LRFN2: variants seen among roughly 807,000 people sequenced by gnomAD.
The protein encoded by LRFN2 is leucine rich repeat and fibronectin type III domain containing 2.
LRFN2 carries 18 observed loss-of-function variants against 37.3 expected under a neutral mutation model. The observed-to-expected ratio is 0.48, with a 90% CI of 0.33 to 0.72. The LOEUF (loss-of-function observed/expected upper bound fraction) is 0.72, where lower values mean the gene tolerates loss of function less well. LRFN2 is among the 30% of genes least tolerant of loss of function. LRFN2 has a pLI of 0.02. For missense variants in LRFN2, 1,006 were observed against 1,060.7 expected, an observed-to-expected ratio of 0.95 and a Z score of 0.72; for synonymous variants, 556 against 466.6, an observed-to-expected ratio of 1.19 and a Z score of -2.47.
chr6:40,543,611 G>A (rs1343794918), intron 1 of LRFN2, among the ~76,000 whole-genome samples: 4 of 152,124 alleles, frequency 2.6e-5, no homozygotes, highest in African/African-American at 4.8e-5. Context: ...TTTTCAGCTC[G>A]AAGCCTAGCT....
At chr6:40,559,957 G>T (rs1027753628) in intron 1 of LRFN2, among the ~76,000 whole-genome samples, 1 of 152,114 alleles carries the variant, frequency 6.6e-6, no homozygotes, top group South Asian at 2.1e-4. Flanking sequence ...CCCTCCCCAT[G>T]CCAAGGCGAG....
intron 1 of LRFN2, among the ~76,000 whole-genome samples, chr6:40,470,811 G>T (rs1386011091): frequency 2.0e-5 from 3 of 152,196 alleles, no homozygotes; most frequent in African/African-American, 7.2e-5. Flanking sequence ...CACCTGCTGG[G>T]CCTGGACCCA....
intron 2 of LRFN2, 83 bp downstream of exon 2, chr6:40,431,631 G>T: frequency 8.0e-7 from 1 of 1,243,540 alleles, no homozygotes; most frequent in East Asian, 2.4e-5. Flanking sequence ...GGGTATAGGT[G>T]GGAGCAGCCC....
chr6:40,505,546 A>G lies in LRFN2; in HGVS notation c.-18-72415T>C, dbSNP rs564955693. On this transcript the variant is annotated intron_variant, in intron 1 of 2. Transcript: ENST00000338305. The stretch of plus-strand genomic sequence containing the variant: ...TTATTTCCTTTTTGAAAATTAAAAC[A>G]TGAAATTGGGAAGTTGCCACACAAA... Among the ~76,000 whole-genome samples the G allele has an allele frequency of 1.4e-3, 208 of 152,336 alleles. 1 individual carries two copies. The highest frequency in any genetic ancestry group is 2.5e-3 in the Non-Finnish European group (171 of 68,038).
chr6:40,568,016 G>A (rs542197319), intron 1 of LRFN2, among the ~76,000 whole-genome samples: 1 of 152,190 alleles, frequency 6.6e-6, no homozygotes, highest in Admixed American at 6.5e-5. Flanking sequence ...CCCCCAAAAC[G>A]TACAAACAAA....
At chr6:40,509,172 C>T (rs1034028755) in intron 1 of LRFN2, among the ~76,000 whole-genome samples, 2 of 152,244 alleles carry the variant, frequency 1.3e-5, no homozygotes, top group Non-Finnish European at 2.9e-5. Context: ...AAGGATGACA[C>T]ACTCCACATA....
Position 40,435,625 on chromosome 6 carries a change from G to C in LRFN2, c.-18-2494C>G, listed in dbSNP as rs191988964. Among the ~76,000 whole-genome samples, 1,122 of 152,028 alleles carry C rather than the reference G, an allele frequency of 7.4e-3. 6 individuals are homozygous for C. The highest frequency in any genetic ancestry group is 0.02 in the Admixed American group (308 of 15,270). ...ATGATCTCAGCTCACTGCAACCTCTGCCTCCCAGGTTCACGCCATTCTCCT... is the reference window on the plus strand; with the variant it reads ...ATGATCTCAGCTCACTGCAACCTCTCCCTCCCAGGTTCACGCCATTCTCCT... On this transcript the variant is annotated intron_variant, in intron 1 of 2. Coordinates refer to ENST00000338305, the MANE Select transcript of LRFN2 (RefSeq NM_020737.3).
intron 2 of LRFN2, among the ~76,000 whole-genome samples, chr6:40,419,114 C>T (rs779086207): frequency 1.3e-5 from 2 of 152,194 alleles, no homozygotes; most frequent in African/African-American, 4.8e-5. Flanking sequence ...GGTTTGAGAA[C>T]CACTGCCCTC....
chr6:40,418,739 T>A (rs895557671), intron 2 of LRFN2, among the ~76,000 whole-genome samples: 1 of 152,144 alleles, frequency 6.6e-6, no homozygotes, highest in South Asian at 2.1e-4. Context: ...AGAGTCCTCA[T>A]CTGTCAAGTG....
At chr6:40,437,612 A>G (rs1209811147) in intron 1 of LRFN2, among the ~76,000 whole-genome samples, 5 of 152,228 alleles carry the variant, frequency 3.3e-5, no homozygotes, top group Admixed American at 3.3e-4. Context: ...AGAAGTGACT[A>G]TTGAATCTTA....
At chr6:40,586,194 C>T (rs912032100) in intron 1 of LRFN2, among the ~76,000 whole-genome samples, 4 of 152,200 alleles carry the variant, frequency 2.6e-5, no homozygotes, top group African/African-American at 9.6e-5. Context: ...CACTGTCCAC[C>T]TCGGAACGGT....
At chr6:40,515,101 G>C (rs1765825134) in intron 1 of LRFN2, among the ~76,000 whole-genome samples, 1 of 152,198 alleles carries the variant, frequency 6.6e-6, no homozygotes, top group South Asian at 2.1e-4. Flanking sequence ...GCATGCTTTA[G>C]TGAGTTTATT....
intron 1 of LRFN2, among the ~76,000 whole-genome samples, chr6:40,468,835 A>T (rs1384070984): frequency 6.6e-6 from 1 of 152,026 alleles, no homozygotes; most frequent in African/African-American, 2.4e-5. Flanking sequence ...GTAAAATGGG[A>T]ATCATGTCGG....
At chr6:40,414,006 T>C (rs1399630228) in intron 2 of LRFN2, among the ~76,000 whole-genome samples, 1 of 152,154 alleles carries the variant, frequency 6.6e-6, no homozygotes, top group Non-Finnish European at 1.5e-5. Flanking sequence ...ACATTACCTA[T>C]GACTCCAAGA....
Position 40,392,303 on chromosome 6 carries a change from C to T in LRFN2, c.2010G>A (p.Lys670=). 1 of 1,610,486 alleles carries T rather than the reference C, an allele frequency of 6.2e-7. No homozygotes were observed. Among genetic ancestry groups the T allele is most frequent in the Non-Finnish European group, 8.5e-7 (1 of 1,178,696 alleles). The change falls in exon 3 of 3, where the codon AAG becomes AAA. Residue 670 remains lysine (K), a synonymous_variant. Coordinates refer to ENST00000338305, the MANE Select transcript of LRFN2 (RefSeq NM_020737.3). This position sits in a 1 kb window ranked among gnomAD's most constrained non-coding sequence, Gnocchi z 4.7. ...FASLDLKSQR[K]EELLDSRTPA... is the part of the protein sequence containing the mutation. ...GAGTCCTGGAGTCCAGCAGCTCCTC[C>T]TTTCTCTGACTCTTGAGGTCCAGGG...
At chr6:40,483,202 G>A (rs192076732) in intron 1 of LRFN2, among the ~76,000 whole-genome samples, 326 of 152,386 alleles carry the variant, frequency 2.1e-3, no homozygotes, top group Non-Finnish European at 3.7e-3. Flanking sequence ...GAAAACGTGT[G>A]TCAATACCAG....
intron 2 of LRFN2, among the ~76,000 whole-genome samples, chr6:40,418,427 C>T (rs940084332): frequency 2.6e-5 from 4 of 152,336 alleles, no homozygotes; most frequent in Admixed American, 2.6e-4. Context: ...CAAGGCCACC[C>T]ATACTTTTCC....
chr6:40,458,376 CT>C (rs753385601), intron 1 of LRFN2, among the ~76,000 whole-genome samples: 3 of 152,180 alleles, frequency 2.0e-5, no homozygotes, highest in Non-Finnish European at 4.4e-5. Context: ...GCAGTGGATA[CT>C]TTTATTTTAA....
chr6:40,487,718 T>C (rs1764996588), intron 1 of LRFN2, among the ~76,000 whole-genome samples: 1 of 152,212 alleles, frequency 6.6e-6, no homozygotes, highest in African/African-American at 2.4e-5. Flanking sequence ...TTTGGAAGTG[T>C]AAAAAGATAC....
Sources: gnomAD v4.1 joint callset for allele counts (sites outside exome capture counted in the v4.1 genomes callset) on GRCh38, gnomAD v4.1.1 for gene constraint, Gnocchi (gnomAD v3.1) non-coding constraint, MANE v1.5 for transcripts, NCBI Gene and HGNC (gene_info 2026-07-23, HGNC 2026-07-21) for gene names.